Variants in MAGI2 observed in about 807,000 individuals in gnomAD.
The protein encoded by MAGI2 is membrane-associated guanylate kinase, WW and PDZ domain-containing protein 2.
A neutral mutation model predicts 133.3 loss-of-function variants in MAGI2; 35 were observed. The ratio of observed to expected loss-of-function variants is 0.26; its 90% confidence interval spans 0.20 to 0.35. The LOEUF (loss-of-function observed/expected upper bound fraction) is 0.35. Among genes scored for constraint, MAGI2 ranks in the 10% least tolerant of loss-of-function variants. The pLI is 1.00. For synonymous variants in MAGI2, 729 were observed against 710.6 expected, an observed-to-expected ratio of 1.03 and a Z score of -0.41; for missense variants, 1,636 against 1,863.4, an observed-to-expected ratio of 0.88 and a Z score of 2.25.
intron 1 of MAGI2, among the ~76,000 whole-genome samples, chr7:79,056,850 C>T (rs1177452864): frequency 2.0e-5 from 3 of 152,178 alleles, no homozygotes; most frequent in African/African-American, 7.2e-5. Context: ...CCATGCTTCC[C>T]CTAGGACTAT....
Position 79,186,229 on chromosome 7 carries a change from TA to T in MAGI2, c.302-179024del, listed in dbSNP as rs1562973136. 3.8e-3 allele frequency among the ~76,000 whole-genome samples: 516 copies of T among 134,684 alleles called. 10 individuals are homozygous for T. The highest frequency in any genetic ancestry group is 0.014 in the African/African-American group (483 of 34,008). 88.4% of individuals were successfully genotyped at this position (134,684 alleles called of 152,430 possible). A position where few individuals can be genotyped will look rare whatever the true frequency, so the allele number is the denominator to read the frequency against. On this transcript the variant is annotated intron_variant, in intron 1 of 21. Transcript: ENST00000354212. ...ATATATATATATATATATATATATA[TA>T]TATATATATATATTTATATTTATTT...
intron 3 of MAGI2, among the ~76,000 whole-genome samples, chr7:78,606,506 G>A (rs539359316): frequency 6.6e-6 from 1 of 152,248 alleles, no homozygotes; most frequent in East Asian, 1.9e-4. Context: ...GAGAGAAGGT[G>A]AGGAATATAA....
intron 2 of MAGI2, among the ~76,000 whole-genome samples, chr7:78,791,235 GA>G (rs1827218204): frequency 6.6e-6 from 1 of 152,042 alleles, no homozygotes; most frequent in Admixed American, 6.6e-5. Context: ...AAGAGAGAGA[GA>G]AAAGTTTAAC....
At chr7:78,592,595 A>G (rs1804130757) in intron 3 of MAGI2, among the ~76,000 whole-genome samples, 1 of 152,202 alleles carries the variant, frequency 6.6e-6, no homozygotes, top group Non-Finnish European at 1.5e-5. Flanking sequence ...ACGGTAGAAA[A>G]AATCAATTAG....
At chr7:78,456,211 T>C (rs1789306092) in intron 6 of MAGI2, among the ~76,000 whole-genome samples, 2 of 152,156 alleles carry the variant, frequency 1.3e-5, no homozygotes, top group Admixed American at 6.5e-5. Context: ...ATACATGTTA[T>C]AAAGAGTGAG....
chr7:78,040,578 C>T (rs1391413524), intron 21 of MAGI2, among the ~76,000 whole-genome samples: 2 of 152,194 alleles, frequency 1.3e-5, no homozygotes, highest in Non-Finnish European at 2.9e-5. Context: ...TCCTGAGGAT[C>T]CCGCAGGTAG....
chr7:79,332,594 T>C (rs528854050), intron 1 of MAGI2, among the ~76,000 whole-genome samples: 5 of 152,306 alleles, frequency 3.3e-5, no homozygotes, highest in Non-Finnish European at 5.9e-5. Flanking sequence ...AGGGAGTACA[T>C]AGGAAATATT....
chr7:79,217,090 T>G (rs952523659), intron 1 of MAGI2, among the ~76,000 whole-genome samples: 2 of 152,064 alleles, frequency 1.3e-5, no homozygotes, highest in African/African-American at 4.8e-5. Context: ...GAAAACATAT[T>G]AGAAATAAAG....
Position 79,402,124 on chromosome 7 carries a change from A to G in MAGI2, c.301+50896T>C, listed in dbSNP as rs1280646714. 2.0e-5 allele frequency among the ~76,000 whole-genome samples: 3 copies of G among 152,112 alleles called. No homozygotes were observed. The East Asian group carries it at 5.8e-4, about 29-fold the overall frequency. ...TCCTAGAACTTTGTATTAAGCAGATATCCTTTTTAGTTCTTTTTTTAAGGC... is the reference window on the plus strand; with the variant it reads ...TCCTAGAACTTTGTATTAAGCAGATGTCCTTTTTAGTTCTTTTTTTAAGGC... On this transcript the variant is annotated intron_variant, in intron 1 of 21. Transcript: ENST00000354212.
At chr7:79,088,220 C>A (rs1816707471) in intron 1 of MAGI2, among the ~76,000 whole-genome samples, 1 of 152,036 alleles carries the variant, frequency 6.6e-6, no homozygotes, top group Non-Finnish European at 1.5e-5. Context: ...TTGAAGAGGA[C>A]CTTCATATCC....
chr7:78,138,462 G>A (rs1298087752), intron 16 of MAGI2, among the ~76,000 whole-genome samples: 1 of 152,094 alleles, frequency 6.6e-6, no homozygotes, highest in African/African-American at 2.4e-5. Flanking sequence ...TTGGGTTTTA[G>A]AAATACTGAC....
chr7:78,808,921 C>G (rs1274267535), intron 2 of MAGI2, among the ~76,000 whole-genome samples: 1 of 152,198 alleles, frequency 6.6e-6, no homozygotes, highest in African/African-American at 2.4e-5. Context: ...ATCTTTTTCT[C>G]AGTCCACAAA....
At chr7:78,199,586 T>C (rs1322962079) in intron 11 of MAGI2, among the ~76,000 whole-genome samples, 1 of 152,168 alleles carries the variant, frequency 6.6e-6, no homozygotes, top group Non-Finnish European at 1.5e-5. Context: ...TAGAATGCCT[T>C]TAGTACCAGC....
At chr7:78,227,925 G>C (rs567788790) in intron 10 of MAGI2, among the ~76,000 whole-genome samples, 1 of 150,606 alleles carries the variant, frequency 6.6e-6, no homozygotes, top group South Asian at 2.1e-4. Context: ...TGAATGCCTA[G>C]ACAACAGACT....
intron 1 of MAGI2, among the ~76,000 whole-genome samples, chr7:79,337,206 T>C (rs1419354745): frequency 1.3e-5 from 2 of 152,150 alleles, no homozygotes; most frequent in Non-Finnish European, 2.9e-5. Flanking sequence ...CACCAAAAAG[T>C]CTATCCAGTT....
intron 10 of MAGI2, among the ~76,000 whole-genome samples, chr7:78,233,680 G>C (rs1790212821): frequency 6.6e-6 from 1 of 152,016 alleles, no homozygotes; most frequent in Non-Finnish European, 1.5e-5. Context: ...AATTAGAGCA[G>C]GTTTATAGGC....
chr7:78,882,011 A>ATTG (rs1795880360), intron 2 of MAGI2, among the ~76,000 whole-genome samples: 1 of 147,426 alleles, frequency 6.8e-6, no homozygotes, highest in African/African-American at 2.5e-5. Flanking sequence ...ATGATCAGGG[A>ATTG]AACCAAAAGT....
chr7:78,563,750 C>A (rs1037500650), intron 3 of MAGI2, among the ~76,000 whole-genome samples: 2 of 152,146 alleles, frequency 1.3e-5, no homozygotes, highest in Non-Finnish European at 2.9e-5. Context: ...ATACCCAATG[C>A]CTATGTCAAG....
At chr7:78,134,004 G>A (rs1438966845) in intron 17 of MAGI2, 2 of 152,044 alleles carry the variant, frequency 1.3e-5, no homozygotes, top group Non-Finnish European at 2.9e-5. Context: ...CATTTTGGGT[G>A]GGGTAATTCT....
Sources: gnomAD v4.1 joint callset for allele counts (sites outside exome capture counted in the v4.1 genomes callset) on GRCh38, gnomAD v4.1.1 for gene constraint, MANE v1.5 for transcripts, NCBI Gene and HGNC (gene_info 2026-07-23, HGNC 2026-07-21) for gene names.